Variants in CSMD1 observed in about 807,000 individuals in gnomAD.
The protein encoded by CSMD1 is CUB and sushi domain-containing protein 1.
In CSMD1, 213 loss-of-function variants were observed where a neutral mutation model predicts 417.5. The ratio of observed to expected loss-of-function variants is 0.51; its 90% confidence interval spans 0.46 to 0.57. The LOEUF is 0.57. Among genes scored for constraint, CSMD1 ranks in the 20% least tolerant of loss-of-function variants. The probability of loss-of-function intolerance (pLI) is 0.00; values close to 1 mark genes in which losing one functional copy is unlikely to be tolerated. For synonymous variants in CSMD1, 2,862 were observed against 1,736.8 expected, an observed-to-expected ratio of 1.65 and a Z score of -16.11; for missense variants, 6,923 against 4,529.7, an observed-to-expected ratio of 1.53 and a Z score of -15.17.
chr8:3,574,773 T>C (rs757647986), intron 10 of CSMD1, among the ~76,000 whole-genome samples, 172 bp downstream of exon 10: 1 of 152,206 alleles, frequency 6.6e-6, no homozygotes, highest in Admixed American at 6.5e-5. Context: ...CATCTGAATC[T>C]CAGACTGCTC....
At chr8:3,039,393 C>CTT (rs1810926468) in intron 50 of CSMD1, among the ~76,000 whole-genome samples, 1 of 135,088 alleles carries the variant, frequency 7.4e-6, no homozygotes, top group African/African-American at 3.2e-5. Flanking sequence ...CCTTCCTTCC[C>CTT]CCTTCCCTTC....
chr8:4,665,003 A>G (rs576998784), intron 1 of CSMD1, among the ~76,000 whole-genome samples: 2 of 152,308 alleles, frequency 1.3e-5, no homozygotes, highest in East Asian at 3.9e-4. Flanking sequence ...CGTGTTCTTC[A>G]TTTTATTATT....
At chr8:4,796,894 C>A (rs185304009) in intron 1 of CSMD1, among the ~76,000 whole-genome samples, 3 of 152,146 alleles carry the variant, frequency 2.0e-5, no homozygotes, top group Admixed American at 6.5e-5. Context: ...ACAACTGAAA[C>A]GCTATGGACA....
chr8:3,757,872 A>AAAT, intron 5 of CSMD1, among the ~76,000 whole-genome samples: 1 of 132,198 alleles, frequency 7.6e-6, no homozygotes, highest in East Asian at 2.5e-4. Flanking sequence ...AACAAACAAA[A>AAAT]AAAACCAACA....
intron 6 of CSMD1, among the ~76,000 whole-genome samples, chr8:3,729,948 AAAAAAAAAAAAAACAAAAAC>A (rs1802735695): frequency 5.2e-4 from 8 of 15,494 alleles, no homozygotes; most frequent in South Asian, 3.1e-3. Context: ...AAAAAAAAAA[AAAAAAAAAAAAAACAAAAAC>A]AGAAGAACGG....
At chr8:3,307,256 C>G (rs985683581) in intron 25 of CSMD1, among the ~76,000 whole-genome samples, 30 of 152,238 alleles carry the variant, frequency 2.0e-4, no homozygotes, top group African/African-American at 6.5e-4. Flanking sequence ...CCCACCGTGA[C>G]TAGCCTGCTG....
chr8:2,993,983 A>T (rs1806639378), intron 54 of CSMD1, among the ~76,000 whole-genome samples: 1 of 145,074 alleles, frequency 6.9e-6, no homozygotes. Context: ...ATCCCTACTA[A>T]AAAAAAAAAA....
intron 3 of CSMD1, among the ~76,000 whole-genome samples, chr8:4,167,287 G>A (rs1020279010): frequency 5.9e-5 from 9 of 152,122 alleles, no homozygotes; most frequent in Admixed American, 1.3e-4. Flanking sequence ...TAGAAAATTC[G>A]TGTCTATAAC....
intron 11 of CSMD1, 49 bp downstream of exon 11, chr8:3,493,574 G>T (rs1257508191): frequency 6.8e-7 from 1 of 1,469,068 alleles, no homozygotes; most frequent in South Asian, 1.2e-5. Flanking sequence ...CACCCACCGT[G>T]CCCCGCACTG....
chr8:3,291,519 A>G (rs562032812), intron 25 of CSMD1, among the ~76,000 whole-genome samples: 2 of 152,170 alleles, frequency 1.3e-5, no homozygotes, highest in African/African-American at 4.8e-5. Flanking sequence ...TTATTGGTCT[A>G]TTCAGAGATT....
chr8:3,657,075 G>C (rs1429931574), intron 7 of CSMD1, among the ~76,000 whole-genome samples: 32 of 152,208 alleles, frequency 2.1e-4, no homozygotes, highest in Non-Finnish European at 1.2e-4. Context: ...CTTCTGGAGA[G>C]AGTCCACTAC....
At position 3,406,175 on chromosome 8, in the gene CSMD1, T is replaced by A; in HGVS notation, c.2118A>T (p.Gly706=). ...ECHDPGIPIN[G]RRFGDRFLLG... ...GTAGAAACCTGTCACCAAAACGTCG[T>A]CCGTTTATAGGAATGCCAGGATCAT... The change falls in exon 15 of 70, where the codon GGA becomes GGT. Residue 706 remains glycine, a synonymous_variant. Coordinates refer to ENST00000635120, the MANE Select transcript of CSMD1 (RefSeq NM_033225.6). 6.2e-7 allele frequency: 1 copy of A among 1,612,546 alleles called. No individual in the cohort carries two copies. Among genetic ancestry groups the A allele is most frequent in the Non-Finnish European group, 8.5e-7 (1 of 1,179,272 alleles).
intron 10 of CSMD1, among the ~76,000 whole-genome samples, chr8:3,527,706 C>G (rs1262849514): frequency 6.6e-6 from 1 of 152,068 alleles, no homozygotes; most frequent in Admixed American, 6.6e-5. Context: ...GCAATGTGAC[C>G]CTTACCACTG....
intron 1 of CSMD1, among the ~76,000 whole-genome samples, chr8:4,832,864 T>A (rs1343607754): frequency 1.3e-5 from 2 of 152,104 alleles, no homozygotes; most frequent in African/African-American, 2.4e-5. Context: ...TGTGAGGGCG[T>A]ATGAGAACTG....
At chr8:3,308,726 T>C (rs1280110565) in intron 23 of CSMD1, among the ~76,000 whole-genome samples, 2 of 130,544 alleles carry the variant, frequency 1.5e-5, no homozygotes, top group African/African-American at 5.6e-5. Context: ...TCCTCCCTAC[T>C]TACAAGTTTT....
Position 4,837,716 on chromosome 8 carries a change from G to A in CSMD1, c.85+156616C>T, listed in dbSNP as rs375642572. On this transcript the variant is annotated intron_variant, in intron 1 of 69. Coordinates refer to ENST00000635120, the MANE Select transcript of CSMD1 (RefSeq NM_033225.6). ...TTGATATCACAATACGGTGACTATA[G>A]TCAGTAATAACCGTACATTTAAAAA... 2.5e-4 allele frequency among the ~76,000 whole-genome samples: 38 copies of A among 152,234 alleles called. No individual in the cohort carries two copies. The East Asian group carries it at 4.1e-3, about 16-fold the overall frequency.
At chr8:4,333,316 T>G (rs1563065538) in intron 3 of CSMD1, among the ~76,000 whole-genome samples, 1 of 152,030 alleles carries the variant, frequency 6.6e-6, no homozygotes, top group Non-Finnish European at 1.5e-5. Context: ...CTGTTGAACA[T>G]CTAGATCCGA....
intron 3 of CSMD1, among the ~76,000 whole-genome samples, chr8:4,342,215 G>GTGTGTGTGTGTC (rs1156470323): frequency 1.1e-4 from 2 of 18,780 alleles, no homozygotes; most frequent in African/African-American, 6.9e-4. Flanking sequence ...CTGTGTGTGT[G>GTGTGTGTGTGTC]TGTGTGTGTG....
At chr8:3,884,624 C>T (rs2627362) in intron 5 of CSMD1, among the ~76,000 whole-genome samples, 5,052 of 152,092 alleles carry the variant, frequency 0.033, 288 homozygotes, top group African/African-American at 0.12. Context: ...TTTGGTTAAA[C>T]AAAAAGACGT....
Sources: allele counts gnomAD v4.1 joint callset (sites outside exome capture counted in the v4.1 genomes callset), GRCh38; gene constraint gnomAD v4.1.1; transcripts MANE v1.5; gene names NCBI Gene and HGNC (gene_info 2026-07-23, HGNC 2026-07-21).